NRXN1: variants seen among roughly 807,000 people sequenced by gnomAD.
NRXN1 encodes the protein neurexin 1.
NRXN1 carries 39 observed loss-of-function variants against 150.9 expected under a neutral mutation model. That is an observed-to-expected ratio of 0.26 (90% CI 0.20 to 0.34). The LOEUF is 0.34. Among genes scored for constraint, NRXN1 ranks in the 10% least tolerant of loss-of-function variants. The pLI is 1.00. For synonymous variants in NRXN1, 924 were observed against 757.0 expected (o/e 1.22, Z -3.62); for missense variants, 1,815 against 1,949.9 (o/e 0.93, Z 1.30).
intron 19 of NRXN1, among the ~76,000 whole-genome samples, chr2:50,060,133 C>A (rs948141457): frequency 6.6e-6 from 1 of 152,134 alleles, no homozygotes; most frequent in African/African-American, 2.4e-5. Context: ...ATGAAAGCAG[C>A]CAGGAGGGAA....
chr2:50,956,402 A>G (rs887437209), intron 2 of NRXN1, among the ~76,000 whole-genome samples: 4 of 152,106 alleles, frequency 2.6e-5, no homozygotes, highest in Non-Finnish European at 5.9e-5. Flanking sequence ...CGCTATACAT[A>G]ATACTAGCTA....
chr2:49,943,914 C>T, intron 21 of NRXN1, 123 bp from the exon 22 acceptor site: 2 of 755,094 alleles, frequency 2.6e-6, no homozygotes, highest in Non-Finnish European at 4.7e-6. Context: ...ATTTCCCTTT[C>T]TAAAGACACA....
chr2:50,550,664 C>CTTATTT (rs1205940391), intron 9 of NRXN1, among the ~76,000 whole-genome samples: 2 of 150,296 alleles, frequency 1.3e-5, no homozygotes, highest in Non-Finnish European at 3.0e-5. Flanking sequence ...CTCTTCTCAG[C>CTTATTT]TTATTTTTAT....
At chr2:50,332,728 T>TA (rs2076913712) in intron 17 of NRXN1, among the ~76,000 whole-genome samples, 7 of 152,212 alleles carry the variant, frequency 4.6e-5, no homozygotes, top group Admixed American at 4.6e-4. Context: ...TTGGACATTT[T>TA]AATTATATGT....
Position 50,144,547 on chromosome 2 carries a change from G to A in NRXN1, c.3547-53053C>T, listed in dbSNP as rs1275463100. On this transcript the variant is annotated intron_variant, in intron 18 of 22. Coordinates refer to ENST00000401669, the MANE Select transcript of NRXN1 (RefSeq NM_001330078.2). The stretch of plus-strand genomic sequence containing the variant: ...AAATCACTCATTTATAATAGAGGGG[G>A]AAACTGGGCATATTTGAACTACACG... Among the ~76,000 whole-genome samples, 4 of 151,762 alleles carry A rather than the reference G, an allele frequency of 2.6e-5. No homozygotes were observed. In the East Asian group the frequency reaches 7.7e-4, roughly 29 times the overall value.
intron 5 of NRXN1, among the ~76,000 whole-genome samples, chr2:50,875,199 CA>C (rs1365792503): frequency 6.6e-6 from 1 of 151,732 alleles, no homozygotes; most frequent in East Asian, 2.0e-4. Flanking sequence ...AAGAGGGGTA[CA>C]TTTTTTTGAC....
At chr2:49,949,593 C>T (rs1673561733) in intron 21 of NRXN1, among the ~76,000 whole-genome samples, 1 of 151,790 alleles carries the variant, frequency 6.6e-6, no homozygotes, top group African/African-American at 2.4e-5. Flanking sequence ...ATAGGATATT[C>T]ATTGTCAGTA....
At chr2:50,948,849 T>C (rs1034081172) in intron 2 of NRXN1, among the ~76,000 whole-genome samples, 1 of 152,030 alleles carries the variant, frequency 6.6e-6, no homozygotes, top group Non-Finnish European at 1.5e-5. Context: ...GTAGGGACAA[T>C]GAAACAGACA....
rs547154067 is a variant in NRXN1, at chr2:50,402,686, A to C, written c.3364+62756T>G. On this transcript the variant is annotated intron_variant, in intron 17 of 22. Transcript: ENST00000401669. ...GTTTTTTGTCTATTTCTTTTTACAT[A>C]GTCATCATTGGCAGTGGGACGAATG... Among the ~76,000 whole-genome samples, 4 of 152,244 alleles carry C rather than the reference A, an allele frequency of 2.6e-5. No homozygotes were observed. The East Asian group carries it at 5.8e-4, about 22-fold the overall frequency.
chr2:50,084,007 C>T (rs1383600179), intron 19 of NRXN1, among the ~76,000 whole-genome samples: 1 of 152,168 alleles, frequency 6.6e-6, no homozygotes, highest in Non-Finnish European at 1.5e-5. Flanking sequence ...CTTAGCTAGA[C>T]ATAAAGATTC....
intron 5 of NRXN1, among the ~76,000 whole-genome samples, chr2:50,720,159 G>A (rs1696447248): frequency 6.6e-6 from 1 of 151,384 alleles, no homozygotes; most frequent in Non-Finnish European, 1.5e-5. Context: ...TGCAATTTCT[G>A]TATAACTGAC....
At chr2:50,042,528 G>A (rs1691148583) in intron 21 of NRXN1, among the ~76,000 whole-genome samples, 1 of 152,096 alleles carries the variant, frequency 6.6e-6, no homozygotes, top group Non-Finnish European at 1.5e-5. Flanking sequence ...CCAGTCTTGG[G>A]CCTGTCCTTA....
At chr2:50,935,996 T>C (rs1421901432) in intron 2 of NRXN1, among the ~76,000 whole-genome samples, 4 of 152,168 alleles carry the variant, frequency 2.6e-5, no homozygotes, top group Admixed American at 6.6e-5. Context: ...TTATGTTAGA[T>C]TAGTGACATC....
At chr2:49,944,689 G>A (rs2104390422) in intron 21 of NRXN1, among the ~76,000 whole-genome samples, 1 of 152,224 alleles carries the variant, frequency 6.6e-6, no homozygotes, top group East Asian at 1.9e-4. Context: ...ATCTGTAAAG[G>A]CTTCCATCAG....
At chr2:50,219,753 T>C (rs1379375040) in intron 18 of NRXN1, among the ~76,000 whole-genome samples, 2 of 149,482 alleles carry the variant, frequency 1.3e-5, no homozygotes, top group Non-Finnish European at 3.0e-5. Flanking sequence ...TTGGGCATGG[T>C]GGCACATGCC....
chr2:50,408,837 A>ATCTCTCAATCTCTCTCTC (rs2082937678), intron 17 of NRXN1, among the ~76,000 whole-genome samples: 1 of 136,534 alleles, frequency 7.3e-6, no homozygotes, highest in African/African-American at 2.6e-5. Context: ...ATCAATCTCA[A>ATCTCTCAATCTCTCTCTC]TCTCTCTCTC....
chr2:50,471,236 TC>T (rs2089428669), intron 16 of NRXN1, among the ~76,000 whole-genome samples: 1 of 151,748 alleles, frequency 6.6e-6, no homozygotes, highest in Non-Finnish European at 1.5e-5. Context: ...AGGTGTTTTT[TC>T]ATCATTCAAT....
At chr2:50,770,860 A>G (rs1001519211) in intron 5 of NRXN1, among the ~76,000 whole-genome samples, 11 of 152,176 alleles carry the variant, frequency 7.2e-5, no homozygotes, top group African/African-American at 2.4e-4. Context: ...TTCACTTTAA[A>G]GGGACTATTT....
chr2:50,563,431 G>A (rs753568848), intron 8 of NRXN1, among the ~76,000 whole-genome samples: 3 of 152,184 alleles, frequency 2.0e-5, no homozygotes, highest in Non-Finnish European at 4.4e-5. Context: ...TTGTAAGTGC[G>A]CTAATTCTAT....
Sources: gnomAD v4.1 joint callset for allele counts (sites outside exome capture counted in the v4.1 genomes callset) on GRCh38, gnomAD v4.1.1 for gene constraint, MANE v1.5 for transcripts, NCBI Gene and HGNC (gene_info 2026-07-23, HGNC 2026-07-21) for gene names.